CADM2: variants seen among roughly 807,000 people sequenced by gnomAD.
The protein encoded by CADM2 is cell adhesion molecule 2.
A neutral mutation model predicts 49.8 loss-of-function variants in CADM2; 12 were observed. The ratio of observed to expected loss-of-function variants is 0.24; its 90% CI spans 0.15 to 0.39. The LOEUF is 0.39. CADM2 is among the 10% of genes least tolerant of loss of function. The probability of loss-of-function intolerance (pLI) is 1.00; values close to 1 mark genes in which losing one functional copy is unlikely to be tolerated. For missense variants in CADM2, 378 were observed against 492.3 expected (o/e 0.77, Z 2.20); for synonymous variants, 214 against 175.4 (o/e 1.22, Z -1.74).
Position 86,067,281 on chromosome 3 carries a change from A to C in CADM2, c.*498A>C, listed in dbSNP as rs1426596424. ...TTCTACATGTCTGTCTTCAAAGACA[A>C]CATGCTTTGGAAACATATGTCCTAG... On this transcript the variant is annotated 3_prime_UTR_variant, in exon 10 of 10. Transcript: ENST00000383699. 7 of 152,950 alleles carry C rather than the reference A, an allele frequency of 4.6e-5. No individual in the cohort carries two copies. Among genetic ancestry groups the C allele is most frequent in the Admixed American group, 4.6e-4 (7 of 15,308 alleles). The allele number at this position is 152,950 out of a possible 1,614,324, so 9.5% of individuals were successfully genotyped here. A position where few individuals can be genotyped will look rare whatever the true frequency, so the allele number is the denominator to read the frequency against.
Position 85,588,456 on chromosome 3 carries a change from C to T in CADM2, c.62-138066C>T, listed in dbSNP as rs560294873. Among the ~76,000 whole-genome samples, 20 of 152,136 alleles carry T rather than the reference C, an allele frequency of 1.3e-4. 1 individual carries two copies. Among genetic ancestry groups the T allele is most frequent in the Admixed American group, 1.3e-3 (20 of 15,254 alleles). The stretch of plus-strand genomic sequence containing the variant: ...GCAAGCAAGCAGCAATAAGAGCCAG[C>T]AGATCTGCATTAACATTTTATACGT... On this transcript the variant is annotated intron_variant, in intron 1 of 9. Transcript: ENST00000383699.
intron 1 of CADM2, among the ~76,000 whole-genome samples, chr3:85,529,606 A>G (rs2061249749): frequency 6.6e-6 from 1 of 152,080 alleles, no homozygotes; most frequent in Admixed American, 6.5e-5. Flanking sequence ...ACGATTACTC[A>G]TTGCAATAAA....
At chr3:85,995,138 G>A (rs1729231185) in intron 8 of CADM2, among the ~76,000 whole-genome samples, 2 of 151,162 alleles carry the variant, frequency 1.3e-5, no homozygotes, top group South Asian at 4.2e-4. Context: ...ACATTTATGA[G>A]AATAATGAAC....
At chr3:85,396,365 A>T (rs2034790227) in intron 1 of CADM2, among the ~76,000 whole-genome samples, 1 of 151,912 alleles carries the variant, frequency 6.6e-6, no homozygotes, top group African/African-American at 2.4e-5. Context: ...CCCCTTTTTC[A>T]TGATAAAATG....
intron 1 of CADM2, among the ~76,000 whole-genome samples, chr3:85,516,814 T>TACC (rs1454124570): frequency 2.0e-5 from 3 of 152,114 alleles, no homozygotes; most frequent in Non-Finnish European, 4.4e-5. Flanking sequence ...ACCTTTGAAC[T>TACC]ACCTCTTTCA....
intron 1 of CADM2, among the ~76,000 whole-genome samples, chr3:85,134,229 C>T (rs1295505426): frequency 6.6e-6 from 1 of 152,218 alleles, no homozygotes; most frequent in Non-Finnish European, 1.5e-5. Flanking sequence ...CCCCGGTTCC[C>T]GCTCGCGCGT....
At chr3:85,552,772 G>T (rs2107128235) in intron 1 of CADM2, among the ~76,000 whole-genome samples, 1 of 152,012 alleles carries the variant, frequency 6.6e-6, no homozygotes, top group South Asian at 2.1e-4. Context: ...TGCCTCCCGG[G>T]TTCAAGTGAT....
At chr3:85,952,134 C>A (rs143515819) in intron 7 of CADM2, among the ~76,000 whole-genome samples, 1 of 150,596 alleles carries the variant, frequency 6.6e-6, no homozygotes, top group Non-Finnish European at 1.5e-5. Context: ...GTCATCATGG[C>A]GGAGGTGGAG....
At chr3:85,440,812 A>T (rs2037166220) in intron 1 of CADM2, among the ~76,000 whole-genome samples, 1 of 152,036 alleles carries the variant, frequency 6.6e-6, no homozygotes, top group Non-Finnish European at 1.5e-5. Flanking sequence ...GTGAAACCCC[A>T]TCTTTACAGA....
At chr3:85,723,937 C>G (rs2067597017) in intron 1 of CADM2, among the ~76,000 whole-genome samples, 2 of 151,810 alleles carry the variant, frequency 1.3e-5, no homozygotes, top group Non-Finnish European at 2.9e-5. Context: ...ATGAACAAGT[C>G]AATTTATTGA....
At chr3:86,014,935 G>C in intron 8 of CADM2, 2 of 1,490,114 alleles carry the variant, frequency 1.3e-6, no homozygotes, top group South Asian at 1.1e-5. Flanking sequence ...TATGAAAATG[G>C]ACGAAAGCGT....
intron 5 of CADM2, among the ~76,000 whole-genome samples, chr3:85,897,612 T>G (rs1043210007): frequency 6.6e-6 from 1 of 152,092 alleles, no homozygotes; most frequent in Non-Finnish European, 1.5e-5. Context: ...TAACTCGATT[T>G]TTTTATTTCT....
intron 1 of CADM2, among the ~76,000 whole-genome samples, chr3:85,652,816 T>G (rs1226705540): frequency 7.5e-6 from 1 of 133,824 alleles, no homozygotes; most frequent in African/African-American, 2.7e-5. Context: ...CTTGCTCTGT[T>G]GCCCAAGCTG....
chr3:85,897,738 C>G (rs1394559671), intron 5 of CADM2, among the ~76,000 whole-genome samples: 1 of 151,698 alleles, frequency 6.6e-6, no homozygotes, highest in African/African-American at 2.4e-5. Flanking sequence ...CTGGTTTTGT[C>G]CTAAGGACTC....
chr3:85,136,407 A>G (rs2039415988), intron 1 of CADM2, among the ~76,000 whole-genome samples: 1 of 151,784 alleles, frequency 6.6e-6, no homozygotes, highest in African/African-American at 2.4e-5. Context: ...GTGTTGAAAA[A>G]GTTTAGAAAC....
At chr3:85,833,610 C>T (rs1258564037) in intron 3 of CADM2, among the ~76,000 whole-genome samples, 1 of 151,480 alleles carries the variant, frequency 6.6e-6, no homozygotes, top group Non-Finnish European at 1.5e-5. Flanking sequence ...AGTTTTCAGT[C>T]TGTCCCAGCA....
intron 1 of CADM2, among the ~76,000 whole-genome samples, chr3:85,523,554 C>G (rs1038241182): frequency 8.6e-5 from 13 of 151,698 alleles, no homozygotes; most frequent in African/African-American, 1.2e-4. Context: ...ATTCCTTTTC[C>G]AAAATATGTA....
intron 1 of CADM2, among the ~76,000 whole-genome samples, chr3:85,273,886 A>C (rs1279309690): frequency 1.3e-5 from 2 of 151,458 alleles, no homozygotes; most frequent in South Asian, 4.1e-4. Context: ...GGTTACGTCC[A>C]GTCTGTGCTC....
chr3:85,715,537 G>A (rs1382937830), intron 1 of CADM2, among the ~76,000 whole-genome samples: 1 of 151,972 alleles, frequency 6.6e-6, no homozygotes, highest in African/African-American at 2.4e-5. Flanking sequence ...TTAAGTTCTG[G>A]GATACATGTG....
Sources: gnomAD v4.1 joint callset for allele counts (sites outside exome capture counted in the v4.1 genomes callset) on GRCh38, gnomAD v4.1.1 for gene constraint, MANE v1.5 for transcripts, NCBI Gene and HGNC (gene_info 2026-07-23, HGNC 2026-07-21) for gene names.